Variants in APBB1IP observed in about 807,000 individuals in gnomAD.
APBB1IP encodes amyloid beta precursor protein binding family B member 1 interacting protein.
In APBB1IP, 27 loss-of-function variants were observed where a neutral mutation model predicts 64.9. The ratio of observed to expected loss-of-function variants is 0.42; its 90% CI spans 0.31 to 0.57. APBB1IP has a LOEUF of 0.57. Ranked by LOEUF, APBB1IP falls within the 20% of genes least tolerant of loss-of-function variation. The pLI is 0.20. For missense variants in APBB1IP, 812 were observed against 845.5 expected (o/e 0.96, Z 0.49); for synonymous variants, 392 against 331.0 (o/e 1.18, Z -2.00).
intron 7 of APBB1IP, among the ~76,000 whole-genome samples, chr10:26,512,699 T>C (rs991494419): frequency 6.6e-5 from 10 of 152,174 alleles, no homozygotes; most frequent in African/African-American, 2.2e-4. Context: ...CTCGAGCTCC[T>C]GGGCTCAAGC....
intron 11 of APBB1IP, among the ~76,000 whole-genome samples, chr10:26,546,578 T>C (rs978050870): frequency 1.3e-5 from 2 of 152,210 alleles, no homozygotes; most frequent in African/African-American, 4.8e-5. Context: ...AAATATACAA[T>C]GCATTATTGT....
At chr10:26,546,881 A>G (rs1836771478) in intron 11 of APBB1IP, among the ~76,000 whole-genome samples, 1 of 152,220 alleles carries the variant, frequency 6.6e-6, no homozygotes, top group African/African-American at 2.4e-5. Context: ...TCTCTTTGAC[A>G]TATTGATTTC....
In APBB1IP at chr10:26,567,185, T is replaced by C; in HGVS notation, c.1698T>C (p.Pro566=). The change falls in exon 15 of 15, where the codon CCT becomes CCC. Residue 566 remains proline (P), a synonymous_variant. Transcript: ENST00000376236. ...CACCGCCGCCGCCCCTCGATGACCCTGAGCTCCCGCCGCCGCCCCCGGACT... is the reference window on the plus strand; with the variant it reads ...CACCGCCGCCGCCCCTCGATGACCCCGAGCTCCCGCCGCCGCCCCCGGACT... ...PPPPPPPLDD[P]ELPPPPPDFM... is the part of the protein sequence containing the mutation. 2.1e-6 allele frequency: 3 copies of C among 1,398,046 alleles called. No homozygotes were observed. Among genetic ancestry groups the C allele is most frequent in the South Asian group, 2.8e-5 (2 of 70,746 alleles). The allele number at this position is 1,398,046 out of a possible 1,614,324, so 86.6% of individuals were successfully genotyped here. A position where few individuals can be genotyped will look rare whatever the true frequency, so the allele number is the denominator to read the frequency against.
chr10:26,462,148 T>C (rs184258031), intron 2 of APBB1IP, among the ~76,000 whole-genome samples: 2 of 152,318 alleles, frequency 1.3e-5, no homozygotes, highest in Admixed American at 6.5e-5. Context: ...ACAAAGACCA[T>C]CTGACTTGCA....
intron 11 of APBB1IP, among the ~76,000 whole-genome samples, chr10:26,559,030 A>T (rs1316699619): frequency 1.3e-5 from 2 of 152,206 alleles, no homozygotes; most frequent in East Asian, 1.9e-4. Context: ...AGGAAAGGTC[A>T]TCACAAAACT....
chr10:26,446,148 G>A (rs1589188180), intron 2 of APBB1IP, among the ~76,000 whole-genome samples: 1 of 152,322 alleles, frequency 6.6e-6, no homozygotes, highest in South Asian at 2.1e-4. Context: ...ATATTATAGT[G>A]TATTATCACA....
chr10:26,530,503 A>T, intron 8 of APBB1IP, among the ~76,000 whole-genome samples: 1 of 152,096 alleles, frequency 6.6e-6, no homozygotes, highest in East Asian at 1.9e-4. Flanking sequence ...CATCCTGGCC[A>T]ACATGGTGAA....
chr10:26,541,134 A>G (rs998548516), intron 10 of APBB1IP, among the ~76,000 whole-genome samples: 7 of 152,172 alleles, frequency 4.6e-5, no homozygotes, highest in Non-Finnish European at 8.8e-5. Flanking sequence ...TTTCTGGGTC[A>G]GTGGCACCGA....
chr10:26,445,411 T>C (rs749186894), intron 2 of APBB1IP, among the ~76,000 whole-genome samples: 27 of 152,260 alleles, frequency 1.8e-4, no homozygotes, highest in Admixed American at 7.8e-4. Flanking sequence ...CATCCATAAA[T>C]TCTTTTTTTA....
intron 2 of APBB1IP, among the ~76,000 whole-genome samples, chr10:26,451,417 T>C (rs1042732952): frequency 6.6e-6 from 1 of 152,214 alleles, no homozygotes; most frequent in African/African-American, 2.4e-5. Context: ...AAGAATGTAT[T>C]AATAGTGGAT....
In APBB1IP at chr10:26,469,000, G is replaced by A. The variant is rs149637542; in HGVS notation, c.1-23327G>A. On this transcript the variant is annotated intron_variant, in intron 2 of 14. Coordinates refer to ENST00000376236, the MANE Select transcript of APBB1IP (RefSeq NM_019043.4). Reference sequence around the variant, plus strand: ...TCTCTGTGCAACTGCTGCGGGCTGAGATGTTACTCTAGGCACTTCTAACAT... The same window carrying A: ...TCTCTGTGCAACTGCTGCGGGCTGAAATGTTACTCTAGGCACTTCTAACAT... Among the ~76,000 whole-genome samples, 6 of 152,232 alleles carry A rather than the reference G, an allele frequency of 3.9e-5. No individual in the cohort carries two copies. The East Asian group carries it at 9.7e-4, about 24-fold the overall frequency.
intron 8 of APBB1IP, among the ~76,000 whole-genome samples, chr10:26,531,623 C>T (rs891378727): frequency 5.3e-5 from 8 of 151,428 alleles, no homozygotes; most frequent in Non-Finnish European, 8.8e-5. Flanking sequence ...ACCGAGATGG[C>T]GCCACTGGAC....
intron 2 of APBB1IP, among the ~76,000 whole-genome samples, chr10:26,485,522 G>T (rs1400647620): frequency 6.6e-6 from 1 of 152,168 alleles, no homozygotes; most frequent in Non-Finnish European, 1.5e-5. Flanking sequence ...ACAACTCCCA[G>T]TTTTCTAAGA....
At chr10:26,491,498 G>C (rs772166580) in intron 2 of APBB1IP, among the ~76,000 whole-genome samples, 7 of 152,146 alleles carry the variant, frequency 4.6e-5, no homozygotes, top group Non-Finnish European at 7.4e-5. Context: ...CTCACAGTGC[G>C]TCCCACCCTA....
intron 2 of APBB1IP, among the ~76,000 whole-genome samples, chr10:26,482,395 A>C (rs1024462088): frequency 6.6e-6 from 1 of 152,282 alleles, no homozygotes; most frequent in Non-Finnish European, 1.5e-5. Context: ...TCTGTGAACC[A>C]CTTCCTCTTG....
intron 8 of APBB1IP, among the ~76,000 whole-genome samples, chr10:26,528,038 T>C (rs995298081): frequency 6.6e-6 from 1 of 152,144 alleles, no homozygotes; most frequent in Non-Finnish European, 1.5e-5. Context: ...TCTGACATAT[T>C]CTTCCCACGG....
intron 8 of APBB1IP, among the ~76,000 whole-genome samples, chr10:26,532,052 T>A (rs1836561577): frequency 6.6e-6 from 1 of 152,186 alleles, no homozygotes; most frequent in Non-Finnish European, 1.5e-5. Context: ...GAGATTCCAG[T>A]GTAGCCCAGG....
chr10:26,518,139 C>G (rs7096729), intron 8 of APBB1IP, among the ~76,000 whole-genome samples: 136,519 of 152,190 alleles, frequency 0.9, 61,389 homozygotes, highest in East Asian at 0.95. Flanking sequence ...ATTTTTAGTA[C>G]AGGCAGGGTT....
At chr10:26,464,577 C>G (rs779905931) in intron 2 of APBB1IP, among the ~76,000 whole-genome samples, 2 of 152,006 alleles carry the variant, frequency 1.3e-5, no homozygotes, top group Non-Finnish European at 2.9e-5. Context: ...ATTATTATTA[C>G]TTGTATGTGT....
Sources: gnomAD v4.1 joint callset for allele counts (sites outside exome capture counted in the v4.1 genomes callset) on GRCh38, gnomAD v4.1.1 for gene constraint, MANE v1.5 for transcripts, NCBI Gene and HGNC (gene_info 2026-07-23, HGNC 2026-07-21) for gene names.